The following GRIK2 variants were observed in gnomAD, a reference collection of about 807,000 sequenced individuals.
GRIK2 encodes the protein glutamate receptor ionotropic, kainate 2.
GRIK2 carries 32 observed loss-of-function variants against 100.3 expected under a neutral mutation model. The observed-to-expected ratio is 0.32, with a 90% CI of 0.24 to 0.43. The LOEUF is 0.43. Ranked by LOEUF, GRIK2 falls within the 20% of genes least tolerant of loss-of-function variation. The probability of loss-of-function intolerance (pLI) is 1.00; values close to 1 mark genes in which losing one functional copy is unlikely to be tolerated. For missense variants in GRIK2, 843 were observed against 1,114.9 expected (o/e 0.76, Z 3.47); for synonymous variants, 417 against 389.4 (o/e 1.07, Z -0.83).
intron 2 of GRIK2, among the ~76,000 whole-genome samples, chr6:101,516,715 T>G (rs1324239030): frequency 6.6e-6 from 1 of 152,132 alleles, no homozygotes. Context: ...TTTATATGCA[T>G]GTAGCTATAA....
chr6:101,621,619 C>T (rs1780163413), intron 2 of GRIK2, among the ~76,000 whole-genome samples: 1 of 151,638 alleles, frequency 6.6e-6, no homozygotes, highest in East Asian at 1.9e-4. Flanking sequence ...AAGTCAAGAC[C>T]TCTCTATACC....
intron 2 of GRIK2, among the ~76,000 whole-genome samples, chr6:101,434,245 G>A (rs1168225764): frequency 3.9e-5 from 6 of 152,134 alleles, no homozygotes; most frequent in Admixed American, 3.9e-4. Context: ...GGATGCAATG[G>A]GATACATATC....
At chr6:101,856,575 A>G (rs561466641) in intron 10 of GRIK2, among the ~76,000 whole-genome samples, 1 of 152,346 alleles carries the variant, frequency 6.6e-6, no homozygotes, top group African/African-American at 2.4e-5. Flanking sequence ...TAATTTTAGG[A>G]ACATAAACAT....
intron 12 of GRIK2, among the ~76,000 whole-genome samples, chr6:101,901,835 T>C (rs1787864505): frequency 2.0e-5 from 3 of 152,004 alleles, no homozygotes; most frequent in African/African-American, 4.8e-5. Context: ...TCAGTAGAAC[T>C]GATCATTGTT....
chr6:101,445,506 T>G (rs1209533083), intron 2 of GRIK2, among the ~76,000 whole-genome samples: 1 of 152,134 alleles, frequency 6.6e-6, no homozygotes, highest in Non-Finnish European at 1.5e-5. Flanking sequence ...TTTGCCTGCT[T>G]AAATGTTCAG....
At chr6:101,621,573 G>A (rs1780161247) in intron 2 of GRIK2, among the ~76,000 whole-genome samples, 1 of 151,996 alleles carries the variant, frequency 6.6e-6, no homozygotes, top group Non-Finnish European at 1.5e-5. Context: ...TTCTGGAACT[G>A]TTTACAAATT....
intron 2 of GRIK2, among the ~76,000 whole-genome samples, chr6:101,562,297 A>G (rs1336229354): frequency 6.6e-6 from 1 of 151,780 alleles, no homozygotes; most frequent in Non-Finnish European, 1.5e-5. Context: ...ATGACAGATG[A>G]CAGTTCTGTC....
At chr6:101,555,258 G>A (rs1488188611) in intron 2 of GRIK2, among the ~76,000 whole-genome samples, 1 of 152,084 alleles carries the variant, frequency 6.6e-6, no homozygotes, top group Non-Finnish European at 1.5e-5. Context: ...ACAGTAACTG[G>A]GCTATGCAGA....
intron 2 of GRIK2, among the ~76,000 whole-genome samples, chr6:101,498,985 G>A (rs937601432): frequency 2.0e-5 from 3 of 152,028 alleles, no homozygotes; most frequent in African/African-American, 7.2e-5. Flanking sequence ...TTTCTTCTAG[G>A]GTTTTTATGG....
chr6:101,873,883 A>G (rs139713778), intron 11 of GRIK2, among the ~76,000 whole-genome samples: 3,872 of 152,276 alleles, frequency 0.025, 179 homozygotes, highest in African/African-American at 0.088. Context: ...TTTTGGCTGC[A>G]TAAATGTCTT....
intron 2 of GRIK2, among the ~76,000 whole-genome samples, chr6:101,515,611 G>T (rs1331466170): frequency 6.6e-6 from 1 of 151,996 alleles, no homozygotes; most frequent in Non-Finnish European, 1.5e-5. Context: ...GGCCATTCTT[G>T]CAGGAATAAG....
chr6:101,575,246 A>G (rs1173523388), intron 2 of GRIK2, among the ~76,000 whole-genome samples: 2 of 151,950 alleles, frequency 1.3e-5, no homozygotes, highest in Admixed American at 6.6e-5. Flanking sequence ...GTAATATTAC[A>G]TTAATTCAGT....
At chr6:102,057,820 C>G (rs1771538542) in intron 16 of GRIK2, among the ~76,000 whole-genome samples, 1 of 151,844 alleles carries the variant, frequency 6.6e-6, no homozygotes, top group South Asian at 2.1e-4. Context: ...TCCCTTTTGA[C>G]TGGAGTAAAT....
intron 2 of GRIK2, chr6:101,620,227 AC>A: frequency 2.2e-6 from 2 of 903,266 alleles, no homozygotes; most frequent in Non-Finnish European, 2.6e-6. Context: ...AAAGAAGAAT[AC>A]CACTGTTCTT....
chr6:102,001,705 T>A (rs1222944485), intron 14 of GRIK2, among the ~76,000 whole-genome samples: 2 of 152,064 alleles, frequency 1.3e-5, no homozygotes, highest in African/African-American at 4.8e-5. Flanking sequence ...TCCAGTCTGG[T>A]CGTGTAGTGC....
intron 2 of GRIK2, among the ~76,000 whole-genome samples, chr6:101,605,632 C>T (rs888049428): frequency 1.3e-5 from 2 of 151,992 alleles, no homozygotes; most frequent in East Asian, 1.9e-4. Context: ...GAGCCAAGAT[C>T]GTGCCATTGC....
chr6:101,596,627 A>G lies in GRIK2; in HGVS notation c.116-25322A>G, dbSNP rs574608335. 1.1e-3 allele frequency among the ~76,000 whole-genome samples: 167 copies of G among 151,788 alleles called. 1 individual carries two copies. The highest frequency in any genetic ancestry group is 7.9e-3 in the South Asian group (38 of 4,822). On this transcript the variant is annotated intron_variant, in intron 2 of 16. Transcript: ENST00000369134. The stretch of plus-strand genomic sequence containing the variant: ...ATACTCTAGATTTAGATTAGAGTTA[A>G]TTAGTAGCACCTCATTTACTTTTGA...
intron 7 of GRIK2, among the ~76,000 whole-genome samples, chr6:101,754,184 T>C (rs1307970941): frequency 1.3e-5 from 2 of 152,180 alleles, no homozygotes; most frequent in African/African-American, 4.8e-5. Context: ...TTATTATGTA[T>C]TTTCAGAATT....
intron 4 of GRIK2, among the ~76,000 whole-genome samples, chr6:101,672,912 T>C (rs1290207280): frequency 5.9e-5 from 9 of 152,138 alleles, no homozygotes; most frequent in Non-Finnish European, 5.9e-5. Context: ...AATGGTAGAG[T>C]TATATTCCTT....
Sources: gnomAD v4.1 joint callset for allele counts (sites outside exome capture counted in the v4.1 genomes callset) on GRCh38, gnomAD v4.1.1 for gene constraint, MANE v1.5 for transcripts, NCBI Gene and HGNC (gene_info 2026-07-23, HGNC 2026-07-21) for gene names.